The following SEMA3A variants were observed in gnomAD, a reference collection of about 807,000 sequenced individuals.
SEMA3A encodes the protein semaphorin-3A.
A neutral mutation model predicts 97.9 loss-of-function variants in SEMA3A; 29 were observed. The ratio of observed to expected loss-of-function variants is 0.30; its 90% CI spans 0.22 to 0.40. The LOEUF (loss-of-function observed/expected upper bound fraction) is 0.40, where lower values mean the gene tolerates loss of function less well. Among genes scored for constraint, SEMA3A ranks in the 10% least tolerant of loss-of-function variants. The pLI is 1.00. For missense variants in SEMA3A, 763 were observed against 951.3 expected (o/e 0.80, Z 2.60); for synonymous variants, 321 against 323.7 (o/e 0.99, Z 0.09).
At chr7:84,084,786 T>G (rs1418744636) in intron 4 of SEMA3A, among the ~76,000 whole-genome samples, 1 of 152,104 alleles carries the variant, frequency 6.6e-6, no homozygotes, top group Admixed American at 6.6e-5. Context: ...TATTTTGTGG[T>G]TTTAAAAAAT....
chr7:84,382,950 A>G (rs1390256483), intron 1 of SEMA3A, among the ~76,000 whole-genome samples: 1 of 152,032 alleles, frequency 6.6e-6, no homozygotes, highest in Non-Finnish European at 1.5e-5. Context: ...GTGTTTAGAA[A>G]ATGGATTCTA....
chr7:84,302,798 A>G (rs1801052382), intron 3 of SEMA3A, among the ~76,000 whole-genome samples: 1 of 152,126 alleles, frequency 6.6e-6, no homozygotes, highest in African/African-American at 2.4e-5. Flanking sequence ...ACATAAGGGA[A>G]ACAAATGTAG....
intron 3 of SEMA3A, among the ~76,000 whole-genome samples, chr7:84,273,686 T>A (rs1009099514): frequency 2.0e-4 from 31 of 152,148 alleles, no homozygotes; most frequent in Non-Finnish European, 3.8e-4. Context: ...TGCATGGTGA[T>A]TAGACATTCT....
chr7:84,433,096 C>A (rs980848928), intron 1 of SEMA3A, among the ~76,000 whole-genome samples: 6 of 151,300 alleles, frequency 4.0e-5, no homozygotes, highest in African/African-American at 1.5e-4. Flanking sequence ...TATTATTATA[C>A]TTTAAGTTCT....
intron 2 of SEMA3A, among the ~76,000 whole-genome samples, chr7:84,309,241 G>C (rs1313934045): frequency 6.6e-6 from 1 of 152,130 alleles, no homozygotes; most frequent in Admixed American, 6.5e-5. Flanking sequence ...GTTCCGGAGA[G>C]GATAGTGAAA....
At chr7:84,253,499 G>T (rs1799653761) in intron 3 of SEMA3A, among the ~76,000 whole-genome samples, 1 of 152,060 alleles carries the variant, frequency 6.6e-6, no homozygotes, top group Non-Finnish European at 1.5e-5. Flanking sequence ...TATATTTTAT[G>T]TTATATATTT....
At chr7:84,341,572 C>A (rs186641820) in intron 2 of SEMA3A, among the ~76,000 whole-genome samples, 2 of 152,162 alleles carry the variant, frequency 1.3e-5, no homozygotes, top group Admixed American at 1.3e-4. Flanking sequence ...TTCATTCTAT[C>A]AGCAGGTCCT....
At chr7:84,068,488 A>G (rs1392120118) in intron 4 of SEMA3A, among the ~76,000 whole-genome samples, 1 of 151,916 alleles carries the variant, frequency 6.6e-6, no homozygotes, top group African/African-American at 2.4e-5. Flanking sequence ...GGAAACATAA[A>G]AGACCTATAC....
rs920511582 is a variant in SEMA3A, at chr7:83,961,479, C to A, written c.2208G>T (p.Arg736Ser). 2 of 1,614,050 alleles carry A rather than the reference C, an allele frequency of 1.2e-6. No individual in the cohort carries two copies. Among genetic ancestry groups the A allele is most frequent in the Non-Finnish European group, 1.7e-6 (2 of 1,179,940 alleles). ...WKRDRKQRRQRPGHTPGNSNK... is the reference protein window; with the variant it reads ...WKRDRKQRRQSPGHTPGNSNK... The stretch of plus-strand genomic sequence containing the variant: ...TACTGTTCCCTGGGGTATGTCCTGG[C>A]CTTTGCCGACGTTGTTTTCGGTCCC... Residue 736 changes from arginine to serine, a missense_variant, in exon 17 of 17, where the codon AGG becomes AGT. Arg to Ser is a moderately radical substitution (Grantham distance 110). Coordinates refer to ENST00000265362, the MANE Select transcript of SEMA3A (RefSeq NM_006080.3).
At chr7:83,999,379 A>G (rs1162714424) in intron 12 of SEMA3A, among the ~76,000 whole-genome samples, 1 of 152,024 alleles carries the variant, frequency 6.6e-6, no homozygotes, top group Non-Finnish European at 1.5e-5. Flanking sequence ...AAAATTCACG[A>G]AAACACAATA....
chr7:84,297,738 A>T (rs1185901222), intron 3 of SEMA3A, among the ~76,000 whole-genome samples: 2 of 152,158 alleles, frequency 1.3e-5, no homozygotes, highest in Non-Finnish European at 2.9e-5. Context: ...CAACTGTCTC[A>T]GACCTCAGGC....
chr7:84,455,246 T>C lies in SEMA3A; in HGVS notation c.-246+37214A>G, dbSNP rs373076093. On this transcript the variant is annotated intron_variant, in intron 1 of 3. Transcript: ENST00000424555. ...AGCTCTTTCTAAAAAAGGTTAAAAA[T>C]AAAACAGGTAGTTTAAGATTAAAAT... is the stretch of plus-strand genomic sequence containing the variant. Among the ~76,000 whole-genome samples the C allele has an allele frequency of 6.6e-5, 10 of 152,048 alleles. 2 individuals carry two copies. Among genetic ancestry groups the C allele is most frequent in the Admixed American group, 6.5e-5 (1 of 15,284 alleles).
At chr7:84,045,320 T>G (rs1474190376) in intron 6 of SEMA3A, among the ~76,000 whole-genome samples, 2 of 151,916 alleles carry the variant, frequency 1.3e-5, no homozygotes, top group Admixed American at 6.6e-5. Flanking sequence ...CAGGAAAAAT[T>G]TCATGCTTCA....
At chr7:84,228,534 AT>A (rs2116350715) in intron 3 of SEMA3A, among the ~76,000 whole-genome samples, 1 of 152,280 alleles carries the variant, frequency 6.6e-6, no homozygotes, top group African/African-American at 2.4e-5. Context: ...TCATGTATAT[AT>A]ACTTCAAACT....
At chr7:84,012,762 A>C (rs1790933143) in intron 7 of SEMA3A, among the ~76,000 whole-genome samples, 1 of 152,168 alleles carries the variant, frequency 6.6e-6, no homozygotes. Context: ...CAAAGTAATA[A>C]ATTCTACTAT....
At chr7:84,048,335 A>AT (rs1235287109) in intron 5 of SEMA3A, among the ~76,000 whole-genome samples, 2 of 152,072 alleles carry the variant, frequency 1.3e-5, no homozygotes, top group Non-Finnish European at 2.9e-5. Flanking sequence ...ACCTATGTAT[A>AT]AATTTCAAAG....
intron 1 of SEMA3A, among the ~76,000 whole-genome samples, chr7:84,466,996 C>T (rs1373092771): frequency 6.6e-6 from 1 of 152,154 alleles, no homozygotes; most frequent in African/African-American, 2.4e-5. Context: ...TCAGAAATTT[C>T]CCTCATACAT....
intron 3 of SEMA3A, among the ~76,000 whole-genome samples, chr7:84,258,456 T>C (rs1175637193): frequency 6.6e-6 from 1 of 152,158 alleles, no homozygotes; most frequent in Non-Finnish European, 1.5e-5. Flanking sequence ...AAAGAAAGAT[T>C]TATATGCTGT....
At chr7:84,114,052 T>TA (rs2115955337) in intron 3 of SEMA3A, among the ~76,000 whole-genome samples, 1 of 152,238 alleles carries the variant, frequency 6.6e-6, no homozygotes, top group South Asian at 2.1e-4. Context: ...ACATTGCAGA[T>TA]ATGAAGCACT....
Sources: allele counts gnomAD v4.1 joint callset (sites outside exome capture counted in the v4.1 genomes callset), GRCh38; gene constraint gnomAD v4.1.1; transcripts MANE v1.5; gene names NCBI Gene and HGNC (gene_info 2026-07-23, HGNC 2026-07-21).